The following MEF2C variants were observed in gnomAD, a reference collection of about 807,000 sequenced individuals.
The protein encoded by MEF2C is myocyte-specific enhancer factor 2C.
MEF2C carries 6 observed loss-of-function variants against 50.5 expected under a neutral mutation model. The ratio of observed to expected loss-of-function variants is 0.12; its 90% CI spans 0.07 to 0.23. The LOEUF (loss-of-function observed/expected upper bound fraction) is 0.23, where lower values mean the gene tolerates loss of function less well. Among genes scored for constraint, MEF2C ranks in the 10% least tolerant of loss-of-function variants. The pLI, the probability that MEF2C is intolerant of heterozygous loss-of-function variation, is 1.00. For synonymous variants in MEF2C, 183 were observed against 228.0 expected (o/e 0.80, Z 1.78); for missense variants, 276 against 605.0 (o/e 0.46, Z 5.70).
chr5:88,851,443 T>A (rs72773809), intron 1 of MEF2C, among the ~76,000 whole-genome samples: 6,051 of 152,110 alleles, frequency 0.04, 184 homozygotes, highest in South Asian at 0.058. Flanking sequence ...GTCAATTGTA[T>A]TTTAGTAGAA....
intron 1 of MEF2C, among the ~76,000 whole-genome samples, chr5:88,846,208 C>T (rs144751591): frequency 6.6e-5 from 10 of 151,934 alleles, no homozygotes; most frequent in South Asian, 6.2e-4. Context: ...GCTGGGACTA[C>T]GGGTGCCCGC....
chr5:88,729,592 T>C (rs1302092944), intron 8 of MEF2C: 1 of 457,794 alleles, frequency 2.2e-6, no homozygotes, highest in South Asian at 2.3e-5. Flanking sequence ...ACAAGTACCA[T>C]AGCTTTATTA....
chr5:88,774,726 C>T (rs1031966846), intron 3 of MEF2C, among the ~76,000 whole-genome samples: 3 of 152,190 alleles, frequency 2.0e-5, no homozygotes, highest in Non-Finnish European at 4.4e-5. Context: ...GTGGATTTTA[C>T]GTTCAGTTGA....
rs1808696388 is a variant in MEF2C at position 88,822,164 on chromosome 5, A to ATT, written c.54+1570_54+1571insAA. Among the ~76,000 whole-genome samples the ATT allele has an allele frequency of 3.9e-5, 6 of 152,112 alleles. 1 individual carries two copies. The highest frequency in any genetic ancestry group is 1.4e-4 in the African/African-American group (6 of 41,552). On this transcript the variant is annotated intron_variant, in intron 2 of 10. Coordinates refer to ENST00000504921, the MANE Select transcript of MEF2C (RefSeq NM_002397.5). ...AAATTTTCTTCTAACTTTGCAAGCA[A>ATT]AAGAAGATATAATGAATATCATAAA...
chr5:88,801,980 C>G (rs955394808), intron 3 of MEF2C, among the ~76,000 whole-genome samples: 1 of 152,138 alleles, frequency 6.6e-6, no homozygotes, highest in Non-Finnish European at 1.5e-5. Context: ...TGTGGAAAAG[C>G]CAAATATGTG....
intron 1 of MEF2C, among the ~76,000 whole-genome samples, chr5:88,874,294 A>C (rs1830435622): frequency 6.6e-6 from 1 of 151,978 alleles, no homozygotes; most frequent in African/African-American, 2.4e-5. Context: ...AATGTATCTG[A>C]CAATACCAAC....
chr5:88,800,653 G>C (rs758988294), intron 3 of MEF2C, among the ~76,000 whole-genome samples: 17 of 152,178 alleles, frequency 1.1e-4, no homozygotes, highest in Admixed American at 1.3e-4. Context: ...AGTGGAGCTA[G>C]TGAACAAGCA....
At chr5:88,739,351 A>T (rs1765479411) in intron 6 of MEF2C, 1 of 984,232 alleles carries the variant, frequency 1.0e-6, no homozygotes, top group African/African-American at 1.7e-5. Flanking sequence ...AAAAAAAAAT[A>T]AAGCAATTTT....
At chr5:88,882,715 C>T (rs1833309143) in intron 1 of MEF2C, among the ~76,000 whole-genome samples, 1 of 152,088 alleles carries the variant, frequency 6.6e-6, no homozygotes, top group South Asian at 2.1e-4. Flanking sequence ...GTGACAGGAA[C>T]GAGTCAGGAG....
intron 3 of MEF2C, among the ~76,000 whole-genome samples, chr5:88,777,705 A>G (rs1486370773): frequency 1.3e-5 from 2 of 152,138 alleles, no homozygotes; most frequent in Non-Finnish European, 2.9e-5. Flanking sequence ...AAAAAATATT[A>G]TCTAAAATGT....
In MEF2C at chr5:88,734,578, T is replaced by TG. The variant is rs1341348322; in HGVS notation, c.638-2678_638-2677insC. On this transcript the variant is annotated intron_variant, in intron 6 of 10. Coordinates refer to ENST00000504921, the MANE Select transcript of MEF2C (RefSeq NM_002397.5). ...TGAGAAAAGTTTGTTTTTTTTTTTT[T>TG]TTTTTTTTTTTTTTTTTTTTAGCAT... 4.2e-5 allele frequency: 39 copies of TG among 932,916 alleles called. No individual in the cohort carries two copies. The African/African-American group carries it at 6.6e-4, about 16-fold the overall frequency. 57.8% of individuals were successfully genotyped at this position (932,916 alleles called of 1,614,324 possible).
chr5:88,836,494 CAT>C (rs1199784438), intron 1 of MEF2C, among the ~76,000 whole-genome samples: 1 of 152,110 alleles, frequency 6.6e-6, no homozygotes, highest in Admixed American at 6.5e-5. Flanking sequence ...TCTTTTTCCA[CAT>C]GTTTGGAACT....
In MEF2C at chr5:88,749,530, A is replaced by G. The variant is rs1771605608; in HGVS notation, c.590-413T>C. 17 of 979,226 alleles carry G rather than the reference A, an allele frequency of 1.7e-5. 1 individual carries two copies. The South Asian group carries it at 8.0e-4, about 46-fold the overall frequency. 60.7% of individuals were successfully genotyped at this position (979,226 alleles called of 1,614,324 possible). ...ATGCCATTAATTTTGTGCAATGTTAATTGTCCAGAAATTTGATCGTTTCAT... is the reference window on the plus strand; with the variant it reads ...ATGCCATTAATTTTGTGCAATGTTAGTTGTCCAGAAATTTGATCGTTTCAT... On this transcript the variant is annotated intron_variant, in intron 5 of 10. Coordinates refer to ENST00000504921, the MANE Select transcript of MEF2C (RefSeq NM_002397.5).
At chr5:88,734,709 C>T (rs1763399831) in intron 6 of MEF2C, 1 of 980,386 alleles carries the variant, frequency 1.0e-6, no homozygotes, top group African/African-American at 1.8e-5. Context: ...AGTAAATATA[C>T]ATTGTAGCTT....
intron 1 of MEF2C, among the ~76,000 whole-genome samples, chr5:88,837,002 C>CAAAAAA (rs10692741): frequency 1.1e-5 from 1 of 86,974 alleles, no homozygotes; most frequent in Non-Finnish European, 2.2e-5. Flanking sequence ...AGCTGTTTCT[C>CAAAAAA]AAAAAAAAAA....
At chr5:88,742,980 CGTTA>C (rs1230762793) in intron 6 of MEF2C, 1 of 972,970 alleles carries the variant, frequency 1.0e-6, no homozygotes, top group Admixed American at 6.2e-5. Flanking sequence ...AAAGCAATGC[CGTTA>C]GTTATTTACT....
intron 1 of MEF2C, among the ~76,000 whole-genome samples, chr5:88,843,115 G>A (rs984245710): frequency 1.3e-5 from 2 of 151,732 alleles, no homozygotes; most frequent in African/African-American, 4.8e-5. Flanking sequence ...TTAGGGGGTG[G>A]TATCTTGTCA....
chr5:88,775,195 G>A (rs939961276), intron 3 of MEF2C, among the ~76,000 whole-genome samples: 2 of 152,154 alleles, frequency 1.3e-5, no homozygotes, highest in Non-Finnish European at 2.9e-5. Context: ...CAGAGTTAGG[G>A]TCCTCTGCTC....
intron 1 of MEF2C, among the ~76,000 whole-genome samples, chr5:88,845,776 C>T (rs1269666662): frequency 1.3e-5 from 2 of 152,044 alleles, no homozygotes; most frequent in Admixed American, 6.5e-5. Context: ...GATGGAGTCT[C>T]GCTCTGTCGC....
Sources: allele counts gnomAD v4.1 joint callset (sites outside exome capture counted in the v4.1 genomes callset), GRCh38; gene constraint gnomAD v4.1.1; transcripts MANE v1.5; gene names NCBI Gene and HGNC (gene_info 2026-07-23, HGNC 2026-07-21).